Variants in FAM184B observed in about 807,000 individuals in gnomAD.
The protein encoded by FAM184B is protein FAM184B.
A neutral mutation model predicts 135.9 loss-of-function variants in FAM184B; 111 were observed. That is an observed-to-expected ratio of 0.82 (90% CI 0.70 to 0.96). FAM184B has a LOEUF of 0.96. Among genes scored for constraint, FAM184B ranks in the 40% least tolerant of loss-of-function variants. The pLI is 0.00. For synonymous variants in FAM184B, 552 were observed against 524.8 expected, an observed-to-expected ratio of 1.05 and a Z score of -0.71; for missense variants, 1,375 against 1,323.9, an observed-to-expected ratio of 1.04 and a Z score of -0.60.
rs181025864 is a variant in FAM184B at position 17,629,834 on chromosome 4, A to G, written c.*2698T>C. The G allele has an allele frequency of 3.3e-4, 50 of 152,322 alleles. No individual in the cohort carries two copies. In the East Asian group the frequency reaches 8.5e-3, roughly 26 times the overall value. The allele number at this position is 152,322 out of a possible 1,614,324, so 9.4% of individuals were successfully genotyped here. On this transcript the variant is annotated 3_prime_UTR_variant, in exon 18 of 18. Coordinates refer to ENST00000265018, the MANE Select transcript of FAM184B (RefSeq NM_015688.2). ...AATAGTGTTAGGGCACAGTAGGTTC[A>G]TTTACTGCTGGTAAGGGTGTAAATT...
chr4:17,754,921 C>T (rs997655962), intron 1 of FAM184B, among the ~76,000 whole-genome samples: 7 of 151,826 alleles, frequency 4.6e-5, no homozygotes, highest in East Asian at 1.9e-4. Context: ...TCACCCAGGC[C>T]GCAGTGCAGT....
chr4:17,766,736 GC>G (rs1200867592), intron 1 of FAM184B, among the ~76,000 whole-genome samples: 1 of 152,256 alleles, frequency 6.6e-6, no homozygotes, highest in Non-Finnish European at 1.5e-5. Context: ...CAGGAGCCCA[GC>G]TGGTTTCACC....
chr4:17,665,062 C>A (rs1716016010), intron 7 of FAM184B, among the ~76,000 whole-genome samples: 1 of 152,142 alleles, frequency 6.6e-6, no homozygotes, highest in Non-Finnish European at 1.5e-5. Flanking sequence ...CATGCATAAC[C>A]CTCAGAGAGA....
At chr4:17,670,517 G>A (rs182196231) in intron 7 of FAM184B, among the ~76,000 whole-genome samples, 5 of 152,302 alleles carry the variant, frequency 3.3e-5, no homozygotes, top group African/African-American at 9.6e-5. Context: ...TGTAATTTCT[G>A]GGCCACTTTA....
intron 8 of FAM184B, among the ~76,000 whole-genome samples, chr4:17,662,167 A>G (rs1450360330): frequency 1.3e-5 from 2 of 152,108 alleles, no homozygotes; most frequent in Admixed American, 1.3e-4. Flanking sequence ...GTTGTTGTGT[A>G]TGTCAGCAAT....
chr4:17,743,207 G>C (rs1362648953), intron 1 of FAM184B, among the ~76,000 whole-genome samples: 1 of 152,208 alleles, frequency 6.6e-6, no homozygotes, highest in African/African-American at 2.4e-5. Context: ...AAGTATGAGA[G>C]GTGTAAGTAT....
intron 1 of FAM184B, among the ~76,000 whole-genome samples, chr4:17,779,448 G>A (rs912988164): frequency 6.6e-6 from 1 of 152,202 alleles, no homozygotes; most frequent in South Asian, 2.1e-4. Flanking sequence ...ACTGCCTACT[G>A]TGTGCCAAGA....
intron 2 of FAM184B, among the ~76,000 whole-genome samples, 183 bp downstream of exon 2, chr4:17,708,709 A>ATATATATATATATTGT (rs3066655): frequency 2.6e-5 from 1 of 38,840 alleles, no homozygotes; most frequent in Non-Finnish European, 4.7e-5. Flanking sequence ...ATATATATAT[A>ATATATATATATATTGT]GTGTCTGTGT....
chr4:17,740,400 G>A (rs1718007815), intron 1 of FAM184B, among the ~76,000 whole-genome samples: 1 of 149,206 alleles, frequency 6.7e-6, no homozygotes, highest in Admixed American at 6.7e-5. Flanking sequence ...GCAAATGGGT[G>A]TATGTTAAAT....
chr4:17,714,208 G>T (rs941198518), intron 1 of FAM184B, among the ~76,000 whole-genome samples: 2 of 152,168 alleles, frequency 1.3e-5, no homozygotes, highest in African/African-American at 4.8e-5. Flanking sequence ...GCGAAGAGCT[G>T]CTGCAGAACA....
Position 17,636,595 on chromosome 4 carries a change from T to C in FAM184B, c.2717A>G (p.Asp906Gly), listed in dbSNP as rs1026249610. The change falls in exon 15 of 18, where the codon GAC becomes GGC. Residue 906 changes from aspartate to glycine, a missense_variant. By Grantham distance (94) the Asp-to-Gly change is moderately conservative (BLOSUM62 -1). Transcript: ENST00000265018. ...KPGKGASRPE[D>G]LQLIGRLQTR... ...CTGCAGGCGGCCAATGAGCTGAAGG[T>C]CCTCGGGCCTGGACGCTCCCTTCCC... 2.3e-5 allele frequency: 36 copies of C among 1,550,862 alleles called. No individual in the cohort carries two copies. The Admixed American group carries it at 6.5e-4, about 28-fold the overall frequency.
In FAM184B at chr4:17,739,553, C is replaced by CTGTTTTTTTTTTTT. The variant is rs1560190029; in HGVS notation, c.142-29923_142-29910dup. Among the ~76,000 whole-genome samples, 3 of 8,676 alleles carry CTGTTTTTTTTTTTT rather than the reference C, an allele frequency of 3.5e-4. No homozygotes were observed. In the East Asian group the frequency reaches 0.013, roughly 37 times the overall value. 5.7% of individuals were successfully genotyped at this position (8,676 alleles called of 152,430 possible). A position where few individuals can be genotyped will look rare whatever the true frequency, so the allele number is the denominator to read the frequency against. On this transcript the variant is annotated intron_variant, in intron 1 of 17. Coordinates refer to ENST00000265018, the MANE Select transcript of FAM184B (RefSeq NM_015688.2). ...CTCCCTACACCATATGTCATACCAA[C>CTGTTTTTTTTTTTT]TGTTTTTTTTTTTTTTTTGAGATGG...
At chr4:17,699,186 TA>T in intron 5 of FAM184B, among the ~76,000 whole-genome samples, 1 of 145,878 alleles carries the variant, frequency 6.9e-6, no homozygotes. Flanking sequence ...AACTTGAAGA[TA>T]CAGCAAGAGA....
chr4:17,686,663 T>C (rs1716597681), intron 7 of FAM184B, among the ~76,000 whole-genome samples: 2 of 152,364 alleles, frequency 1.3e-5, no homozygotes, highest in South Asian at 4.1e-4. Flanking sequence ...CCAATGAAGC[T>C]GAGCATGCTG....
At chr4:17,660,697 C>T (rs995531428) in intron 8 of FAM184B, among the ~76,000 whole-genome samples, 4 of 151,720 alleles carry the variant, frequency 2.6e-5, no homozygotes, top group Admixed American at 1.3e-4. Context: ...ACCAGAGCTC[C>T]CTTCCTTAAT....
At position 17,695,213 on chromosome 4, in the gene FAM184B, A is replaced by G. The variant is rs191690699; in HGVS notation, c.1378-1801T>C. 2.2e-4 allele frequency among the ~76,000 whole-genome samples: 34 copies of G among 151,406 alleles called. 1 individual carries two copies. The East Asian group carries it at 6.2e-3, about 28-fold the overall frequency. On this transcript the variant is annotated intron_variant, in intron 5 of 17. Coordinates refer to ENST00000265018, the MANE Select transcript of FAM184B (RefSeq NM_015688.2). ...TCGCTCTGTCACCCAGACTGGATGG[A>G]GTACAATAGCACAATCATGGCTCAC...
At chr4:17,715,675 G>A (rs1265432028) in intron 1 of FAM184B, among the ~76,000 whole-genome samples, 1 of 152,038 alleles carries the variant, frequency 6.6e-6, no homozygotes, top group Admixed American at 6.6e-5. Context: ...AGCATGTGGG[G>A]TAATGCATAT....
intron 1 of FAM184B, among the ~76,000 whole-genome samples, chr4:17,729,636 C>T (rs2108976993): frequency 6.6e-6 from 1 of 152,372 alleles, no homozygotes; most frequent in African/African-American, 2.4e-5. Flanking sequence ...GCCACTGCTG[C>T]TGATACCCAG....
intron 10 of FAM184B, among the ~76,000 whole-genome samples, chr4:17,655,356 G>A (rs1297960593): frequency 6.6e-6 from 1 of 152,168 alleles, no homozygotes; most frequent in Non-Finnish European, 1.5e-5. Flanking sequence ...CTGGGGGCAA[G>A]TAAAGGTTCA....
Sources: gnomAD v4.1 joint callset for allele counts (sites outside exome capture counted in the v4.1 genomes callset) on GRCh38, gnomAD v4.1.1 for gene constraint, MANE v1.5 for transcripts, NCBI Gene and HGNC (gene_info 2026-07-23, HGNC 2026-07-21) for gene names.